The following BCAS1 variants were observed in gnomAD, a reference collection of about 807,000 sequenced individuals.
BCAS1 encodes brain enriched myelin associated protein 1, also known as breast carcinoma-amplified sequence 1.
Under a neutral mutation model 65.4 loss-of-function variants are expected in BCAS1, and 46 were observed. That is an observed-to-expected ratio of 0.70 (90% CI 0.55 to 0.90). BCAS1 has a LOEUF of 0.90. BCAS1 is among the 40% of genes least tolerant of loss of function. The probability of loss-of-function intolerance (pLI) is 0.00; values close to 1 mark genes in which losing one functional copy is unlikely to be tolerated. For missense variants in BCAS1, 793 were observed against 771.2 expected (o/e 1.03, Z -0.33); for synonymous variants, 298 against 293.5 (o/e 1.02, Z -0.16).
In BCAS1 at chr20:53,944,651, T is replaced by C; in HGVS notation, c.*271A>G. ...CACTTAACCCGAACACATTCCTCTA[T>C]TCCCTCCCTTTCCTGCTTGGTGATC... On this transcript the variant is annotated 3_prime_UTR_variant, in exon 13 of 13. Transcript: ENST00000688948. The C allele has an allele frequency of 2.4e-6, 1 of 421,164 alleles. No individual in the cohort carries two copies. Among genetic ancestry groups the C allele is most frequent in the South Asian group, 2.4e-5 (1 of 41,424 alleles). 26.1% of individuals were successfully genotyped at this position (421,164 alleles called of 1,614,324 possible). A position where few individuals can be genotyped will look rare whatever the true frequency, so the allele number is the denominator to read the frequency against.
At chr20:54,036,004 G>A (rs987281458) in intron 3 of BCAS1, among the ~76,000 whole-genome samples, 10 of 151,274 alleles carry the variant, frequency 6.6e-5, no homozygotes, top group Non-Finnish European at 1.2e-4. Context: ...GCTAAATGAT[G>A]AGAACACATG....
In BCAS1 at chr20:54,028,399, G is replaced by T; in HGVS notation, c.716C>A (p.Ala239Glu). The change falls in exon 4 of 13, where the codon GCA becomes GAA. Residue 239 changes from alanine to glutamate, a missense_variant. Coordinates refer to ENST00000688948, the MANE Select transcript of BCAS1 (RefSeq NM_001366298.2). ...ACACCTTGGCACACTTACCTTCCCT[G>T]CAGGGACATCATCGGACTGCCCTGA... ...GLSGQSDDVP[A>E]GKDIVDGKEK... The T allele has an allele frequency of 6.2e-7, 1 of 1,614,168 alleles. No homozygotes were observed. Among genetic ancestry groups the T allele is most frequent in the South Asian group, 1.1e-5 (1 of 91,084 alleles).
chr20:54,057,314 C>G (rs977862479), intron 3 of BCAS1, among the ~76,000 whole-genome samples: 1 of 152,160 alleles, frequency 6.6e-6, no homozygotes, highest in African/African-American at 2.4e-5. Context: ...TCGCTGGAGA[C>G]TATGTTAAAT....
At chr20:53,946,667 A>ATATAG (rs1186851137) in intron 12 of BCAS1, among the ~76,000 whole-genome samples, 1 of 151,042 alleles carries the variant, frequency 6.6e-6, no homozygotes, top group Non-Finnish European at 1.5e-5. Context: ...TAGTATACAT[A>ATATAG]TATAGTATAG....
rs529562065 is a variant in BCAS1 at position 54,053,122 on chromosome 20, C to T, written c.142+4963G>A. Among the ~76,000 whole-genome samples the T allele has an allele frequency of 3.0e-3, 453 of 152,302 alleles. 2 individuals are homozygous for T. Among genetic ancestry groups the T allele is most frequent in the African/African-American group, 0.01 (427 of 41,564 alleles). On this transcript the variant is annotated intron_variant, in intron 3 of 12. Transcript: ENST00000688948. ...ATCACATGGTATGTTGTTTTAACATCATTAGCAACCTACTCCAAAACGGGA... is the reference window on the plus strand; with the variant it reads ...ATCACATGGTATGTTGTTTTAACATTATTAGCAACCTACTCCAAAACGGGA...
At chr20:53,964,747 C>T (rs1161794288) in intron 10 of BCAS1, among the ~76,000 whole-genome samples, 4 of 151,842 alleles carry the variant, frequency 2.6e-5, no homozygotes, top group Non-Finnish European at 5.9e-5. Flanking sequence ...AATATGAGAC[C>T]TCATTAGAAT....
chr20:54,070,558 A>C lies in BCAS1; in HGVS notation c.-131T>G, dbSNP rs2092503448. 6.6e-6 allele frequency: 1 copy of C among 152,564 alleles called. No individual in the cohort carries two copies. The highest frequency in any genetic ancestry group is 1.5e-5 in the Non-Finnish European group (1 of 68,348). The allele number at this position is 152,564 out of a possible 1,614,324, so 9.5% of individuals were successfully genotyped here. On this transcript the variant is annotated 5_prime_UTR_variant, in exon 1 of 13. Transcript: ENST00000688948. ...CTGTCGGTGGAGCCTGGCTCCCTGC[A>C]CTTTGCTTCCTTGTGCAGAGCCTGC... is the stretch of plus-strand genomic sequence containing the variant.
chr20:53,969,748 A>G (rs2090131371), intron 9 of BCAS1, among the ~76,000 whole-genome samples: 1 of 152,206 alleles, frequency 6.6e-6, no homozygotes, highest in Non-Finnish European at 1.5e-5. Flanking sequence ...GTTAAAAAAT[A>G]GCTGCCACAA....
At chr20:53,951,749 C>G (rs1238270686) in intron 12 of BCAS1, among the ~76,000 whole-genome samples, 1 of 152,246 alleles carries the variant, frequency 6.6e-6, no homozygotes, top group Non-Finnish European at 1.5e-5. Flanking sequence ...GTCCTTCTCT[C>G]AGGGCTACAA....
At chr20:54,066,490 G>T (rs1041064662) in intron 1 of BCAS1, among the ~76,000 whole-genome samples, 1 of 152,216 alleles carries the variant, frequency 6.6e-6, no homozygotes, top group Non-Finnish European at 1.5e-5. Flanking sequence ...ATTCGTGTTG[G>T]ATTCGTGTTG....
Position 54,058,726 on chromosome 20 carries a change from A to G in BCAS1, c.-5-3T>C. 2 of 1,607,778 alleles carry G rather than the reference A, an allele frequency of 1.2e-6. No individual in the cohort carries two copies. Among genetic ancestry groups the G allele is most frequent in the Non-Finnish European group, 1.7e-6 (2 of 1,178,742 alleles). On this transcript the variant is annotated splice_region_variant and splice_polypyrimidine_tract_variant and intron_variant, in intron 1 of 12. Coordinates refer to ENST00000688948, the MANE Select transcript of BCAS1 (RefSeq NM_001366298.2). ...ACTCATTTGGTTACCCATTGCTCCT[A>G]TAATGGAGAGAAAGAGAGGAAGAGA...
At chr20:54,069,155 A>C (rs12624494) in intron 1 of BCAS1, among the ~76,000 whole-genome samples, 20,697 of 152,048 alleles carry the variant, frequency 0.14, 1,849 homozygotes, top group East Asian at 0.28. Context: ...CACCCTCTAC[A>C]TACCCTGAGT....
intron 4 of BCAS1, among the ~76,000 whole-genome samples, chr20:53,998,863 G>C (rs951631178): frequency 1.3e-5 from 2 of 152,054 alleles, no homozygotes; most frequent in Non-Finnish European, 2.9e-5. Flanking sequence ...ACAAATAAAT[G>C]CATTAAACAT....
At chr20:53,954,143 AGCTTTGCT>A (rs2089620986) in intron 11 of BCAS1, among the ~76,000 whole-genome samples, 1 of 152,196 alleles carries the variant, frequency 6.6e-6, no homozygotes, top group Non-Finnish European at 1.5e-5. Context: ...CTAATCTCAG[AGCTTTGCT>A]GAAATGAGAG....
chr20:54,049,571 C>CTT (rs781612789), intron 3 of BCAS1, among the ~76,000 whole-genome samples: 15 of 143,562 alleles, frequency 1.0e-4, no homozygotes, highest in Admixed American at 4.9e-4. Context: ...ATAGCCTCTA[C>CTT]TTTTTTTTTT....
chr20:53,954,294 G>GGAGAGA (rs71196437), intron 11 of BCAS1, among the ~76,000 whole-genome samples: 3,379 of 125,814 alleles, frequency 0.027, 99 homozygotes, highest in Middle Eastern at 0.043. Context: ...GCTGAGAAAT[G>GGAGAGA]GAGAGAGAGA....
At chr20:53,952,492 T>C (rs2089559504) in intron 12 of BCAS1, among the ~76,000 whole-genome samples, 1 of 152,192 alleles carries the variant, frequency 6.6e-6, no homozygotes, top group African/African-American at 2.4e-5. Flanking sequence ...CAATTGTGCA[T>C]TTATACCCCT....
At chr20:54,002,153 G>A (rs1235569537) in intron 4 of BCAS1, among the ~76,000 whole-genome samples, 7 of 151,808 alleles carry the variant, frequency 4.6e-5, no homozygotes, top group Non-Finnish European at 1.5e-5. Flanking sequence ...TTTGCTCTCT[G>A]TGTATCTCTC....
chr20:53,980,899 T>A (rs1225471020), intron 8 of BCAS1, among the ~76,000 whole-genome samples: 1 of 152,194 alleles, frequency 6.6e-6, no homozygotes, highest in Admixed American at 6.5e-5. Context: ...CTACTGCCAA[T>A]GAGTATGTTG....
Sources: gnomAD v4.1 joint callset for allele counts (sites outside exome capture counted in the v4.1 genomes callset) on GRCh38, gnomAD v4.1.1 for gene constraint, MANE v1.5 for transcripts, NCBI Gene and HGNC (gene_info 2026-07-23, HGNC 2026-07-21) for gene names.